GPRC6A: variants seen among roughly 807,000 people sequenced by gnomAD.
GPRC6A encodes the protein G protein-coupled receptor class C group 6 member A, also known as G protein-coupled receptor family C group 6 member A.
Under a neutral mutation model 47.0 loss-of-function variants are expected in GPRC6A, and 54 were observed. The observed-to-expected ratio is 1.15, with a 90% CI of 0.92 to 1.44. The LOEUF is 1.44. GPRC6A is among the 40% of genes most tolerant of loss of function. The pLI is 0.00. For missense variants in GPRC6A, 1,112 were observed against 1,105.5 expected, an observed-to-expected ratio of 1.01 and a Z score of -0.08; for synonymous variants, 347 against 377.1, an observed-to-expected ratio of 0.92 and a Z score of 0.93.
At position 116,792,973 on chromosome 6, in the gene GPRC6A, G is replaced by A; in HGVS notation, c.1950C>T (p.Phe650=). ...ATGTGAAGTCTTGTGGTTCTCCAAT[G>A]AAAAAGCTCGTGCTGGCAAAATTGA... ...HFLNFASTSF[F]IGEPQDFTCK... is the part of the protein sequence containing the mutation. The change falls in exon 6 of 6, where the codon TTC becomes TTT. Residue 650 remains phenylalanine, a synonymous_variant. Transcript: ENST00000310357. 2.5e-6 allele frequency: 4 copies of A among 1,614,082 alleles called. No individual in the cohort carries two copies. Among genetic ancestry groups the A allele is most frequent in the Non-Finnish European group, 2.5e-6 (3 of 1,179,978 alleles).
At chr6:116,809,228 C>G in intron 2 of GPRC6A, 86 bp downstream of exon 2, 1 of 1,027,176 alleles carries the variant, frequency 9.7e-7, no homozygotes, top group South Asian at 1.6e-5. Context: ...AAAGTGACTC[C>G]CTAACTAGTT....
chr6:116,816,688 C>T (rs574240756), intron 1 of GPRC6A, among the ~76,000 whole-genome samples: 193 of 152,306 alleles, frequency 1.3e-3, no homozygotes, highest in Non-Finnish European at 2.2e-3. Context: ...ACGCACCGTG[C>T]GCGAACCGAA....
At chr6:116,817,649 T>C (rs899274591) in intron 1 of GPRC6A, among the ~76,000 whole-genome samples, 5 of 151,896 alleles carry the variant, frequency 3.3e-5, no homozygotes, top group African/African-American at 1.2e-4. Flanking sequence ...TTTAGACAAA[T>C]GTATAGCTAG....
At chr6:116,825,782 A>G (rs536209107) in intron 1 of GPRC6A, among the ~76,000 whole-genome samples, 1 of 152,062 alleles carries the variant, frequency 6.6e-6, no homozygotes, top group East Asian at 1.9e-4. Flanking sequence ...AACTGGAGGC[A>G]TCAAACTACC....
intron 1 of GPRC6A, among the ~76,000 whole-genome samples, chr6:116,813,053 G>A (rs1773080568): frequency 6.6e-6 from 1 of 152,124 alleles, no homozygotes; most frequent in Non-Finnish European, 1.5e-5. Context: ...ACTTACAAGG[G>A]ATGTGAAGGA....
intron 1 of GPRC6A, among the ~76,000 whole-genome samples, chr6:116,817,914 C>A (rs1279318476): frequency 6.6e-6 from 1 of 151,760 alleles, no homozygotes; most frequent in Non-Finnish European, 1.5e-5. Context: ...ATTGGTGTAC[C>A]TGAAAGTGAT....
At chr6:116,823,710 A>C (rs1180940190) in intron 1 of GPRC6A, among the ~76,000 whole-genome samples, 1 of 152,148 alleles carries the variant, frequency 6.6e-6, no homozygotes, top group Non-Finnish European at 1.5e-5. Context: ...TTATAAAGAA[A>C]AGAGGTTTAA....
chr6:116,819,752 A>G (rs1468736282), intron 1 of GPRC6A, among the ~76,000 whole-genome samples: 2 of 151,708 alleles, frequency 1.3e-5, no homozygotes, highest in Non-Finnish European at 3.0e-5. Context: ...CACAAGAGAA[A>G]GCAGGAAAGA....
At chr6:116,801,412 GAAC>G (rs1772671162) in intron 3 of GPRC6A, among the ~76,000 whole-genome samples, 1 of 152,108 alleles carries the variant, frequency 6.6e-6, no homozygotes, top group Non-Finnish European at 1.5e-5. Context: ...TGTAGTGGAA[GAAC>G]AATAGGCTGG....
chr6:116,827,726 A>G (rs542442532), intron 1 of GPRC6A, among the ~76,000 whole-genome samples: 1 of 152,040 alleles, frequency 6.6e-6, no homozygotes, highest in Admixed American at 6.6e-5. Context: ...GTGCTCTGAA[A>G]ATCTTCATTA....
chr6:116,810,004 A>G (rs986940472), intron 1 of GPRC6A, among the ~76,000 whole-genome samples: 2 of 152,114 alleles, frequency 1.3e-5, no homozygotes, highest in African/African-American at 4.8e-5. Context: ...AGTCTGTGTG[A>G]TTGGAAACCA....
intron 2 of GPRC6A, 35 bp downstream of exon 2, chr6:116,809,279 T>C: frequency 6.4e-7 from 1 of 1,554,110 alleles, no homozygotes; most frequent in Non-Finnish European, 8.8e-7. Context: ...ACAAATGTGA[T>C]CAAAAGCAAT....
At chr6:116,809,677 A>G (rs1282064208) in intron 1 of GPRC6A, 60 bp from the exon 2 acceptor site, 1 of 1,240,536 alleles carries the variant, frequency 8.1e-7, no homozygotes, top group African/African-American at 1.5e-5. Flanking sequence ...ACATGGCTGT[A>G]TCTCATTTTG....
At chr6:116,818,887 G>C (rs1773349022) in intron 1 of GPRC6A, among the ~76,000 whole-genome samples, 1 of 152,000 alleles carries the variant, frequency 6.6e-6, no homozygotes, top group East Asian at 1.9e-4. Flanking sequence ...TGGACTAAAT[G>C]CTCCAATTAA....
chr6:116,818,094 T>C lies in GPRC6A; in HGVS notation c.195-8477A>G, dbSNP rs1192386970. 2.6e-5 allele frequency among the ~76,000 whole-genome samples: 4 copies of C among 151,840 alleles called. No individual in the cohort carries two copies. In the South Asian group the frequency reaches 6.3e-4, roughly 24 times the overall value. The stretch of plus-strand genomic sequence containing the variant: ...CATGTAATTGTCAGATTCACCAAAG[T>C]TGAAATGAAGGAGAAAATGTTAAGG... On this transcript the variant is annotated intron_variant, in intron 1 of 5. Transcript: ENST00000310357.
Position 116,821,148 on chromosome 6 carries a change from C to A in GPRC6A, c.194+7672G>T, listed in dbSNP as rs1448594463. ...AATAAAATACCTAGGAATCCAACTT[C>A]CAAGGGATGTGAAGGACCTCTTCAA... On this transcript the variant is annotated intron_variant, in intron 1 of 5. Transcript: ENST00000310357. Among the ~76,000 whole-genome samples, 635 of 150,468 alleles carry A rather than the reference C, an allele frequency of 4.2e-3. 5 individuals carry two copies. Among genetic ancestry groups the A allele is most frequent in the African/African-American group, 0.014 (566 of 40,236 alleles).
At chr6:116,814,121 T>A (rs1207880095) in intron 1 of GPRC6A, among the ~76,000 whole-genome samples, 1 of 152,106 alleles carries the variant, frequency 6.6e-6, no homozygotes, top group Non-Finnish European at 1.5e-5. Flanking sequence ...CTGGAGAGGA[T>A]GTGGAGAAAT....
In GPRC6A at chr6:116,809,558, T is replaced by C. The variant is rs746503898; in HGVS notation, c.254A>G (p.Asn85Ser). 3 of 1,612,794 alleles carry C rather than the reference T, an allele frequency of 1.9e-6. No homozygotes were observed. The highest frequency in any genetic ancestry group is 2.7e-5 in the African/African-American group (2 of 74,872). Residue 85 changes from asparagine (N) to serine (S), a missense_variant, in exon 2 of 6, where the codon AAC becomes AGC. By Grantham distance (46) the Asn-to-Ser change is conservative. Transcript: ENST00000310357. ...GACTCCAGGTAAGAGTGTTGAATTGTTGATCATCTCAATGCTGTGTATCAT... is the reference window on the plus strand; with the variant it reads ...GACTCCAGGTAAGAGTGTTGAATTGCTGATCATCTCAATGCTGTGTATCAT... ...LAMIHSIEMINNSTLLPGVKL... is the reference protein window; with the variant it reads ...LAMIHSIEMISNSTLLPGVKL...
In GPRC6A at chr6:116,792,774, C is replaced by A; in HGVS notation, c.2149G>T (p.Val717Phe). The A allele has an allele frequency of 6.2e-7, 1 of 1,614,002 alleles. No individual in the cohort carries two copies. The highest frequency in any genetic ancestry group is 2.2e-5 in the East Asian group (1 of 44,870). The change falls in exon 6 of 6, where the codon GTC becomes TTC. Residue 717 changes from valine (V) to phenylalanine (F), a missense_variant. Transcript: ENST00000310357. Reference protein sequence around the residue: ...IIFTCTGIQVVICTLWLIFAA... With the variant: ...IIFTCTGIQVFICTLWLIFAA... ...AAGATTAGCCAGAGTGTGCAAATGA[C>A]AACCTGGATGCCCGTGCAAGTGAAG...
Sources: allele counts gnomAD v4.1 joint callset (sites outside exome capture counted in the v4.1 genomes callset), GRCh38; gene constraint gnomAD v4.1.1; transcripts MANE v1.5; gene names NCBI Gene and HGNC (gene_info 2026-07-23, HGNC 2026-07-21).